The following CETP variants were observed in gnomAD, a reference collection of about 807,000 sequenced individuals.
CETP encodes the protein cholesteryl ester transfer protein.
CETP carries 56 observed loss-of-function variants against 66.5 expected under a neutral mutation model. The observed-to-expected ratio is 0.84, with a 90% CI of 0.68 to 1.05. The LOEUF is 1.05. Among genes scored for constraint, CETP ranks in the 50% least tolerant of loss-of-function variants. The pLI, the probability that CETP is intolerant of heterozygous loss-of-function variation, is 0.00. For missense variants in CETP, 612 were observed against 609.6 expected, an observed-to-expected ratio of 1.00 and a Z score of -0.04; for synonymous variants, 251 against 245.7, an observed-to-expected ratio of 1.02 and a Z score of -0.20.
rs572723699 is a variant in CETP at position 56,981,748 on chromosome 16, G to A, written c.1248+68G>A. On this transcript the variant is annotated intron_variant, in intron 13 of 15. Coordinates refer to ENST00000200676, the MANE Select transcript of CETP (RefSeq NM_000078.3). The stretch of plus-strand genomic sequence containing the variant: ...ACCTCCTGCCTTAAAGAAAGCAGGC[G>A]GAGGGCCCTAAAGGAAATCAGGCAA... The A allele has an allele frequency of 3.1e-5, 48 of 1,531,506 alleles. No individual in the cohort carries two copies. The African/African-American group carries it at 3.5e-4, about 11-fold the overall frequency. 94.9% of individuals were successfully genotyped at this position (1,531,506 alleles called of 1,614,324 possible). A position where few individuals can be genotyped will look rare whatever the true frequency, so the allele number is the denominator to read the frequency against.
At chr16:56,976,566 G>A (rs555609450) in intron 10 of CETP, among the ~76,000 whole-genome samples, 1 of 151,334 alleles carries the variant, frequency 6.6e-6, no homozygotes, top group African/African-American at 2.4e-5. Context: ...CCACCTTCCG[G>A]GTTCAAGCAA....
intron 10 of CETP, among the ~76,000 whole-genome samples, chr16:56,975,464 T>A (rs289716): frequency 0.63 from 95,680 of 152,028 alleles, 30,650 homozygotes; most frequent in Non-Finnish European, 0.69. Context: ...CTGCTCCATT[T>A]CCCAGGCATA....
intron 8 of CETP, among the ~76,000 whole-genome samples, chr16:56,972,640 C>T (rs1256819494): frequency 6.6e-6 from 1 of 152,198 alleles, no homozygotes; most frequent in African/African-American, 2.4e-5. Flanking sequence ...CTGGCCTGAC[C>T]ACCACACCCA....
At chr16:56,983,497 G>A in intron 15 of CETP, 86 bp downstream of exon 15, 1 of 1,593,334 alleles carries the variant, frequency 6.3e-7, no homozygotes, top group Non-Finnish European at 8.6e-7. Flanking sequence ...GGCTGTTGGG[G>A]AGACAGACAG....
intron 2 of CETP, among the ~76,000 whole-genome samples, chr16:56,969,112 T>C (rs2056088939): frequency 6.6e-6 from 1 of 152,116 alleles, no homozygotes; most frequent in Non-Finnish European, 1.5e-5. Flanking sequence ...CGGTACCCTG[T>C]GATTGTATTG....
At position 56,978,134 on chromosome 16, in the gene CETP, G is replaced by C; in HGVS notation, c.1025G>C (p.Cys342Ser). The C allele has an allele frequency of 6.2e-7, 1 of 1,614,238 alleles. No homozygotes were observed. The highest frequency in any genetic ancestry group is 8.5e-7 in the Non-Finnish European group (1 of 1,180,040). ...FPSQAQVTVH[C>S]LKMPKISCQN... ...AGCCAGGCCCAAGTCACCGTCCACT[G>C]CCTCAAGATGCCCAAGATCTCCTGC... The change falls in exon 11 of 16, where the codon TGC (cysteine) becomes TCC (serine). Residue 342 changes from cysteine (C) to serine (S), a missense_variant. Physicochemically the swap from Cys to Ser is moderately radical, Grantham distance 112. Transcript: ENST00000200676.
chr16:56,972,139 T>A, intron 8 of CETP, 56 bp downstream of exon 8: 1 of 1,398,862 alleles, frequency 7.1e-7, no homozygotes, highest in Non-Finnish European at 1.0e-6. Context: ...AGTTGGTCCT[T>A]TTTTGTGCTC....
chr16:56,983,271 C>T (rs986526368), intron 14 of CETP, 55 bp from the exon 15 acceptor site: 48 of 1,491,874 alleles, frequency 3.2e-5, no homozygotes, highest in African/African-American at 1.4e-4. Flanking sequence ...GGCAGAGCCT[C>T]GGGCCGGCCT....
intron 5 of CETP, among the ~76,000 whole-genome samples, 175 bp from the exon 6 acceptor site, chr16:56,970,858 A>C (rs1482469545): frequency 2.0e-5 from 3 of 152,144 alleles, no homozygotes; most frequent in Non-Finnish European, 4.4e-5. Flanking sequence ...TGCCACAGTT[A>C]ATTCTTGGGT....
intron 2 of CETP, among the ~76,000 whole-genome samples, chr16:56,965,091 T>A (rs563922671): frequency 6.6e-6 from 1 of 152,240 alleles, no homozygotes; most frequent in East Asian, 1.9e-4. Context: ...ACTCTGTTGC[T>A]AAAAAATAAA....
At chr16:56,968,241 A>G in intron 2 of CETP, among the ~76,000 whole-genome samples, 1 of 151,870 alleles carries the variant, frequency 6.6e-6, no homozygotes. Context: ...GCTGGAGTGT[A>G]ATGGCGCGAT....
chr16:56,967,107 G>A (rs990926410), intron 2 of CETP, among the ~76,000 whole-genome samples: 3 of 151,968 alleles, frequency 2.0e-5, no homozygotes, highest in Non-Finnish European at 4.4e-5. Flanking sequence ...CAGCACTTTG[G>A]GAGGCCGAGG....
chr16:56,982,511 G>A (rs550272622), intron 14 of CETP, among the ~76,000 whole-genome samples: 1 of 152,276 alleles, frequency 6.6e-6, no homozygotes, highest in East Asian at 1.9e-4. Context: ...TCTCCTAATA[G>A]CAACCTGATA....
chr16:56,981,504 A>G (rs1260642479), intron 12 of CETP, 143 bp from the exon 13 acceptor site: 1 of 1,044,592 alleles, frequency 9.6e-7, no homozygotes, highest in Admixed American at 1.8e-5. Flanking sequence ...TCTCAAGGGA[A>G]TAGCAAATCT....
chr16:56,965,914 G>C (rs945263063), intron 2 of CETP, among the ~76,000 whole-genome samples: 2 of 151,992 alleles, frequency 1.3e-5, no homozygotes, highest in Non-Finnish European at 2.9e-5. Flanking sequence ...AAGACCCCAG[G>C]GCCAACGCTT....
intron 11 of CETP, 77 bp downstream of exon 11, chr16:56,978,332 G>T: frequency 1.3e-6 from 2 of 1,573,116 alleles, no homozygotes; most frequent in Admixed American, 3.3e-5. Flanking sequence ...GGGCCTGGGG[G>T]TCTCTGAAGC....
chr16:56,981,746 G>T, intron 13 of CETP, 66 bp downstream of exon 13: 3 of 1,538,982 alleles, frequency 1.9e-6, no homozygotes, highest in Non-Finnish European at 2.7e-6. Context: ...AAGAAAGCAG[G>T]CGGAGGGCCC....
rs708272 is a variant in CETP at position 56,962,376 on chromosome 16, G to A, written c.118+279G>A. The A allele has an allele frequency of 0.41, 275,786 of 665,408 alleles. 58,748 individuals are homozygous for A. The highest frequency in any genetic ancestry group is 0.47 in the South Asian group (34,113 of 72,546). 41.2% of individuals were successfully genotyped at this position (665,408 alleles called of 1,614,324 possible). A position where few individuals can be genotyped will look rare whatever the true frequency, so the allele number is the denominator to read the frequency against. ...CTGAGACCCAGAATCACTGGGGTTC[G>A]AGTTAGGGTTCAGATCTGAGCCAGG... On this transcript the variant is annotated intron_variant, in intron 1 of 15. Transcript: ENST00000200676.
chr16:56,977,985 AG>A, intron 10 of CETP, 105 bp from the exon 11 acceptor site: 1 of 1,425,216 alleles, frequency 7.0e-7, no homozygotes. Flanking sequence ...CCTTTTCCCC[AG>A]CCCTGGGGCC....
Sources: gnomAD v4.1 joint callset for allele counts (sites outside exome capture counted in the v4.1 genomes callset) on GRCh38, gnomAD v4.1.1 for gene constraint, MANE v1.5 for transcripts, NCBI Gene and HGNC (gene_info 2026-07-23, HGNC 2026-07-21) for gene names.